RUFY4: variants seen among roughly 807,000 people sequenced by gnomAD.
RUFY4 encodes RUN and FYVE domain containing 4, also known as RUN and FYVE domain-containing protein 4.
A neutral mutation model predicts 69.0 loss-of-function variants in RUFY4; 73 were observed. That is an observed-to-expected ratio of 1.06 (90% confidence interval 0.88 to 1.29). The LOEUF (loss-of-function observed/expected upper bound fraction) is 1.29. Ranked by LOEUF, RUFY4 falls within the 50% of genes most tolerant of loss-of-function variation. The probability of loss-of-function intolerance (pLI) is 0.00; values close to 1 mark genes in which losing one functional copy is unlikely to be tolerated. For missense variants in RUFY4, 770 were observed against 705.6 expected (o/e 1.09, Z -1.03); for synonymous variants, 287 against 271.8 (o/e 1.06, Z -0.55).
At chr2:218,072,578 A>T (rs1689514865) in intron 3 of RUFY4, 79 bp downstream of exon 5, 1 of 1,506,738 alleles carries the variant, frequency 6.6e-7, no homozygotes, top group African/African-American at 1.4e-5. Flanking sequence ...ACCCTGCTCT[A>T]CCGACCATAG....
At position 218,083,115 on chromosome 2, in the gene RUFY4, AG is replaced by A. The variant is rs1689804847; in HGVS notation, c.1363del (p.Glu455LysfsTer38). 1 of 1,612,910 alleles carries A rather than the reference AG, an allele frequency of 6.2e-7. No homozygotes were observed. The highest frequency in any genetic ancestry group is 8.5e-7 in the Non-Finnish European group (1 of 1,179,754). ...AGTCTTCCTTCTGTACCCAGGTGTC[AG>A]GAAGAGAGAGCCGAGCTGCAGGCAC... On this transcript the variant is annotated frameshift_variant, in exon 9 of 11. Transcript: ENST00000344321. LOFTEE classifies it high-confidence loss of function.
At position 218,058,927 on chromosome 2, in the gene RUFY4, A is replaced by G. The variant is rs1156857208; in HGVS notation, c.-1071+246A>G. On this transcript the variant is annotated intron_variant and NMD_transcript_variant, in intron 3 of 13. Coordinates refer to the RUFY4 transcript ENST00000457754. ...GATGCCCTAGAGCATCCCAGAACAC[A>G]TTTCTTTCCATGATGCGTGGTCTGC... is the stretch of plus-strand genomic sequence containing the variant. Among the ~76,000 whole-genome samples, 3 of 152,284 alleles carry G rather than the reference A, an allele frequency of 2.0e-5. No homozygotes were observed. The East Asian group carries it at 5.8e-4, about 29-fold the overall frequency.
upstream of RUFY4, among the ~76,000 whole-genome samples, chr2:218,066,918 G>A (rs924458294): frequency 6.6e-6 from 1 of 152,168 alleles, no homozygotes; most frequent in Non-Finnish European, 1.5e-5. Context: ...TTGCTTTAAT[G>A]GTAATTTCTA....
chr2:218,040,317 G>A (rs767262372), intron 2 of RUFY4, among the ~76,000 whole-genome samples: 12 of 152,092 alleles, frequency 7.9e-5, no homozygotes, highest in East Asian at 1.9e-4. Flanking sequence ...GGGAGGTGTC[G>A]TCTGACTTGG....
chr2:218,076,721 T>C (rs1413834905), intron 8 of RUFY4, among the ~76,000 whole-genome samples, 188 bp downstream of exon 10: 1 of 152,126 alleles, frequency 6.6e-6, no homozygotes, highest in East Asian at 1.9e-4. Flanking sequence ...CCCTCCTCTG[T>C]GCATCCCTTT....
At chr2:218,089,800 C>T (rs528232501) in intron 10 of RUFY4, 152 bp from the exon 13 acceptor site, 327 of 725,270 alleles carry the variant, frequency 4.5e-4, no homozygotes, top group Admixed American at 2.9e-3. Context: ...GAGGGGAGAC[C>T]TCCTGAGACA....
intron 7 of RUFY4, 24 bp downstream of exon 9, chr2:218,075,764 C>G (rs778659541): frequency 2.2e-6 from 3 of 1,377,936 alleles, no homozygotes; most frequent in African/African-American, 2.9e-5. Flanking sequence ...AGCTCCATAC[C>G]TGGTTATTTG....
At chr2:218,053,153 A>G (rs1186075549) in intron 2 of RUFY4, among the ~76,000 whole-genome samples, 1 of 151,980 alleles carries the variant, frequency 6.6e-6, no homozygotes, top group East Asian at 1.9e-4. Context: ...AAATGTTTTA[A>G]GCCTTTTAAC....
intron 8 of RUFY4, among the ~76,000 whole-genome samples, chr2:218,079,026 C>T (rs974228758): frequency 6.6e-6 from 1 of 152,168 alleles, no homozygotes; most frequent in Non-Finnish European, 1.5e-5. Context: ...TGCCACCACG[C>T]CCAGCTAATT....
chr2:218,076,392 C>T, intron 7 of RUFY4, 35 bp from the exon 10 acceptor site: 1 of 1,546,254 alleles, frequency 6.5e-7, no homozygotes, highest in Non-Finnish European at 8.7e-7. Flanking sequence ...TGCCCTTCTC[C>T]TTCAGCCTCC....
At chr2:218,041,339 G>T (rs532630114) in intron 2 of RUFY4, among the ~76,000 whole-genome samples, 1 of 152,252 alleles carries the variant, frequency 6.6e-6, no homozygotes, top group Admixed American at 6.5e-5. Context: ...CTAGGATTTG[G>T]ATTTGGATTG....
At chr2:218,076,626 C>T in intron 8 of RUFY4, 93 bp downstream of exon 10, 2 of 1,505,394 alleles carry the variant, frequency 1.3e-6, no homozygotes, top group South Asian at 1.3e-5. Context: ...TTGTGAGAAC[C>T]TCCCATGCAC....
At chr2:218,073,532 T>C (rs1689547703) in intron 5 of RUFY4, 146 bp downstream of exon 7, 1 of 1,183,784 alleles carries the variant, frequency 8.4e-7, no homozygotes, top group Non-Finnish European at 1.2e-6. Flanking sequence ...CTTCTAGCCC[T>C]CGATGCTCCC....
At chr2:218,055,394 CAAA>C (rs74531758) in intron 2 of RUFY4, among the ~76,000 whole-genome samples, 7 of 114,876 alleles carry the variant, frequency 6.1e-5, no homozygotes, top group African/African-American at 1.4e-4. Context: ...GACCCTGTCT[CAAA>C]AAAAAAAAAA....
chr2:218,077,262 A>C lies in RUFY4; in HGVS notation c.1355+729A>C, dbSNP rs528858822. Among the ~76,000 whole-genome samples the C allele has an allele frequency of 5.9e-5, 9 of 151,986 alleles. No homozygotes were observed. In the South Asian group the frequency reaches 1.9e-3, roughly 32 times the overall value. ...CCGTTTCTCCTGCTCAGTGTCTCTCACCATCCAGTGTCTTCATCTTCCGTC... is the reference window on the plus strand; with the variant it reads ...CCGTTTCTCCTGCTCAGTGTCTCTCCCCATCCAGTGTCTTCATCTTCCGTC... On this transcript the variant is annotated intron_variant, in intron 8 of 10. Transcript: ENST00000344321.
chr2:218,079,100 C>T (rs891153863), intron 8 of RUFY4, among the ~76,000 whole-genome samples: 1 of 152,208 alleles, frequency 6.6e-6, no homozygotes, highest in African/African-American at 2.4e-5. Flanking sequence ...AACTCCTGAC[C>T]TCAGGTGATC....
intron 2 of RUFY4, among the ~76,000 whole-genome samples, chr2:218,054,504 A>G (rs888038200): frequency 6.6e-6 from 1 of 151,724 alleles, no homozygotes; most frequent in African/African-American, 2.4e-5. Context: ...GCAGTGAGCC[A>G]AGATCACACA....
At chr2:218,050,763 A>G (rs1363396589) in intron 2 of RUFY4, among the ~76,000 whole-genome samples, 2 of 152,236 alleles carry the variant, frequency 1.3e-5, no homozygotes, top group Non-Finnish European at 2.9e-5. Context: ...ACAAATGTAC[A>G]GATGAGAGTA....
intron 2 of RUFY4, among the ~76,000 whole-genome samples, chr2:218,053,607 T>G (rs1415341270): frequency 6.6e-6 from 1 of 152,120 alleles, no homozygotes. Context: ...CCTCCCGGAT[T>G]CATCCCATTC....
Sources: allele counts gnomAD v4.1 joint callset (sites outside exome capture counted in the v4.1 genomes callset), GRCh38; gene constraint gnomAD v4.1.1; transcripts MANE v1.5; gene names NCBI Gene and HGNC (gene_info 2026-07-23, HGNC 2026-07-21).